Variants in SSH1 observed in about 807,000 individuals in gnomAD.
SSH1 encodes the protein slingshot protein phosphatase 1.
Under a neutral mutation model 79.7 loss-of-function variants are expected in SSH1, and 43 were observed. That is an observed-to-expected ratio of 0.54 (90% CI 0.42 to 0.70). The LOEUF (loss-of-function observed/expected upper bound fraction) is 0.70, where lower values mean the gene tolerates loss of function less well. SSH1 is among the 30% of genes least tolerant of loss of function. SSH1 has a pLI of 0.00. For synonymous variants in SSH1, 599 were observed against 538.3 expected (o/e 1.11, Z -1.56); for missense variants, 1,206 against 1,358.8 (o/e 0.89, Z 1.77).
At chr12:108,804,508 C>A (rs2037176998) in intron 10 of SSH1, among the ~76,000 whole-genome samples, 1 of 152,212 alleles carries the variant, frequency 6.6e-6, no homozygotes, top group Non-Finnish European at 1.5e-5. Flanking sequence ...GTACAACCCA[C>A]CCAGAGCTAC....
chr12:108,795,087 C>A (rs2036689464), intron 13 of SSH1, among the ~76,000 whole-genome samples: 1 of 152,124 alleles, frequency 6.6e-6, no homozygotes, highest in African/African-American at 2.4e-5. Flanking sequence ...AAATTTGAAG[C>A]CCTCAAAATT....
intron 2 of SSH1, among the ~76,000 whole-genome samples, chr12:108,831,251 G>T (rs558291850): frequency 3.3e-5 from 5 of 152,182 alleles, no homozygotes; most frequent in African/African-American, 4.8e-5. Context: ...ACTCTGCATG[G>T]TGATTACTGA....
rs1000031909 is a variant in SSH1, at chr12:108,814,119, G to A, written c.402-2791C>T. Among the ~76,000 whole-genome samples, 5 of 152,066 alleles carry A rather than the reference G, an allele frequency of 3.3e-5. No homozygotes were observed. In the South Asian group the frequency reaches 8.3e-4, roughly 25 times the overall value. On this transcript the variant is annotated intron_variant, in intron 5 of 14. Transcript: ENST00000326495. The stretch of plus-strand genomic sequence containing the variant: ...CATGCCTGTAATCCCAGCTACTCAG[G>A]AGACTGAGGCAGGAGAATCGCTTGA...
At chr12:108,830,193 T>C (rs1213152101) in intron 2 of SSH1, among the ~76,000 whole-genome samples, 1 of 152,220 alleles carries the variant, frequency 6.6e-6, no homozygotes, top group African/African-American at 2.4e-5. Context: ...GGCTCACGCC[T>C]GTAATCCTGG....
In SSH1 at chr12:108,800,904, T is replaced by A; in HGVS notation, c.1024A>T (p.Thr342Ser). ...GSGVDYILNV[T>S]REIDNFFPGL... ...GGAAAAAAATTATCGATTTCTCTGG[T>A]AACATTTAAAATGTAATCAACCCTG... Residue 342 changes from threonine (T) to serine (S), a missense_variant, in exon 12 of 15, where the codon ACC (threonine) becomes TCC (serine). Around this residue, in one of 5 missense-constraint regions of SSH1, gnomAD observed 166 missense variants for 262.9 expected, o/e 0.63. Coordinates refer to ENST00000326495, the MANE Select transcript of SSH1 (RefSeq NM_018984.4). The A allele has an allele frequency of 6.2e-7, 1 of 1,613,858 alleles. No individual in the cohort carries two copies. Among genetic ancestry groups the A allele is most frequent in the South Asian group, 1.1e-5 (1 of 91,058 alleles).
At chr12:108,827,475 T>C in intron 2 of SSH1, 1 of 1,297,594 alleles carries the variant, frequency 7.7e-7, no homozygotes, top group Non-Finnish European at 9.8e-7. Flanking sequence ...GGGAGCCAAC[T>C]CCTCCTCAGA....
intron 2 of SSH1, among the ~76,000 whole-genome samples, chr12:108,848,119 C>T (rs2038941118): frequency 6.6e-6 from 1 of 152,076 alleles, no homozygotes; most frequent in Non-Finnish European, 1.5e-5. Context: ...AGAAAAGACT[C>T]CGAGGACCAG....
chr12:108,800,714 T>TAG, intron 12 of SSH1, 66 bp downstream of exon 12: 14 of 1,602,802 alleles, frequency 8.7e-6, no homozygotes, highest in Middle Eastern at 2.1e-4. Context: ...GCAGTCTCGT[T>TAG]CATTCCCACT....
rs2036145445 is a variant in SSH1 at position 108,781,410 on chromosome 12, G to T, written c.*6578C>A. 2 of 152,194 alleles carry T rather than the reference G, an allele frequency of 1.3e-5. No homozygotes were observed. Among genetic ancestry groups the T allele is most frequent in the Non-Finnish European group, 2.9e-5 (2 of 68,032 alleles). The allele number at this position is 152,194 out of a possible 1,614,324, so 9.4% of individuals were successfully genotyped here. ...CTCCAGGCTGTCTCAAAAAAAGAAA[G>T]ACTTACCTAGCAGGACTAAATGTGC... On this transcript the variant is annotated 3_prime_UTR_variant, in exon 15 of 15. Coordinates refer to ENST00000326495, the MANE Select transcript of SSH1 (RefSeq NM_018984.4).
Position 108,807,418 on chromosome 12 carries a change from A to ATTTTTTTTTT in SSH1, c.731+205_731+214dup, listed in dbSNP as rs35206418. ...AATGCATTCACCAAATTCATCAGTA[A>ATTTTTTTTTT]TTTTTTTTTTTTTTTTCTTTTTTTT... On this transcript the variant is annotated intron_variant, in intron 8 of 14. Transcript: ENST00000326495. This position sits in a 1 kb window ranked among gnomAD's most constrained non-coding sequence, Gnocchi z 5.2. Among the ~76,000 whole-genome samples the ATTTTTTTTTT allele has an allele frequency of 7.0e-6, 1 of 143,450 alleles. No homozygotes were observed. Among genetic ancestry groups the ATTTTTTTTTT allele is most frequent in the African/African-American group, 2.6e-5 (1 of 38,604 alleles). 94.1% of individuals were successfully genotyped at this position (143,450 alleles called of 152,430 possible). A position where few individuals can be genotyped will look rare whatever the true frequency, so the allele number is the denominator to read the frequency against.
At chr12:108,855,312 T>G (rs1446360512) in intron 1 of SSH1, among the ~76,000 whole-genome samples, 1 of 152,134 alleles carries the variant, frequency 6.6e-6, no homozygotes, top group East Asian at 1.9e-4. Context: ...GAAAGTAGAT[T>G]AGTGGTTGCC....
At chr12:108,804,816 C>G (rs900460905) in intron 10 of SSH1, among the ~76,000 whole-genome samples, 11 of 152,138 alleles carry the variant, frequency 7.2e-5, no homozygotes, top group African/African-American at 2.7e-4. Flanking sequence ...CAAATAGCTC[C>G]CAAACAACTC....
intron 7 of SSH1, among the ~76,000 whole-genome samples, chr12:108,808,693 C>G (rs1412811700): frequency 6.6e-6 from 1 of 152,060 alleles, no homozygotes; most frequent in Non-Finnish European, 1.5e-5. Context: ...AGCTTAGATG[C>G]TTAGATTTCT....
intron 13 of SSH1, among the ~76,000 whole-genome samples, chr12:108,793,400 T>C (rs1457747692): frequency 2.3e-5 from 2 of 86,212 alleles, no homozygotes; most frequent in Admixed American, 1.0e-4. Context: ...TATAATCCCT[T>C]TTTTTTTTTT....
At position 108,856,616 on chromosome 12, in the gene SSH1, C is replaced by T. The variant is rs999392405; in HGVS notation, c.69+812G>A. ...ACAGAGCCCACAGCACGCTCGGTCA[C>T]CGTCACACAGTGACACGGGCACGCC... On this transcript the variant is annotated intron_variant, in intron 1 of 14. Transcript: ENST00000326495. Among the ~76,000 whole-genome samples, 5 of 152,366 alleles carry T rather than the reference C, an allele frequency of 3.3e-5. No homozygotes were observed. The East Asian group carries it at 7.7e-4, about 23-fold the overall frequency.
chr12:108,837,376 G>A (rs1296156518), intron 2 of SSH1, among the ~76,000 whole-genome samples: 1 of 152,202 alleles, frequency 6.6e-6, no homozygotes, highest in Admixed American at 6.5e-5. Context: ...GAAGGACAAC[G>A]CTGGGACATA....
intron 9 of SSH1, 125 bp from the exon 10 acceptor site, chr12:108,805,309 A>G (rs1025670201): frequency 9.6e-7 from 1 of 1,036,832 alleles, no homozygotes; most frequent in South Asian, 1.5e-5. Context: ...TTTCTCTTTC[A>G]GAGTAATACA....
chr12:108,810,489 T>G (rs2137102152), intron 6 of SSH1, among the ~76,000 whole-genome samples: 1 of 151,500 alleles, frequency 6.6e-6, no homozygotes, highest in Middle Eastern at 3.4e-3. Context: ...ACCACTGCAC[T>G]CCACCCAGGG....
Position 108,789,100 on chromosome 12 carries a change from G to T in SSH1, c.2038C>A (p.Pro680Thr), listed in dbSNP as rs911116110. 2.5e-6 allele frequency: 4 copies of T among 1,613,792 alleles called. No homozygotes were observed. In the South Asian group the frequency reaches 3.3e-5, roughly 13 times the overall value. ...GACGTGATGTGGGGTAGGAAGGCTG[G>T]CTGGGTGCAGATGGCGGGAGCATTG... ...DPNAPAICTQ[P>T]AFLPHITSSP... Residue 680 changes from proline to threonine, a missense_variant, in exon 15 of 15, where the codon CCA (proline) becomes ACA (threonine). Pro to Thr is a conservative substitution (Grantham distance 38). Coordinates refer to ENST00000326495, the MANE Select transcript of SSH1 (RefSeq NM_018984.4).
Sources: gnomAD v4.1 joint callset for allele counts (sites outside exome capture counted in the v4.1 genomes callset) on GRCh38, gnomAD v4.1.1 for gene constraint, gnomAD v4.1.1 regional missense constraint, Gnocchi (gnomAD v3.1) non-coding constraint, MANE v1.5 for transcripts, NCBI Gene and HGNC (gene_info 2026-07-23, HGNC 2026-07-21) for gene names.